Variants in CLYBL observed in about 807,000 individuals in gnomAD.
CLYBL encodes the protein citramalyl-CoA lyase, also known as citramalyl-CoA lyase, mitochondrial.
A neutral mutation model predicts 38.9 loss-of-function variants in CLYBL; 31 were observed. The observed-to-expected ratio is 0.80, with a 90% CI of 0.60 to 1.08. The LOEUF (loss-of-function observed/expected upper bound fraction) is 1.08. Among genes scored for constraint, CLYBL ranks in the 50% least tolerant of loss-of-function variants. The pLI is 0.00. For synonymous variants in CLYBL, 171 were observed against 158.6 expected, an observed-to-expected ratio of 1.08 and a Z score of -0.59; for missense variants, 434 against 411.6, an observed-to-expected ratio of 1.05 and a Z score of -0.47.
At chr13:99,735,368 A>T (rs2048650792) in intron 1 of CLYBL, among the ~76,000 whole-genome samples, 1 of 151,864 alleles carries the variant, frequency 6.6e-6, no homozygotes, top group African/African-American at 2.4e-5. Flanking sequence ...TAATTTTTAA[A>T]TTTTTTTGTA....
intron 1 of CLYBL, among the ~76,000 whole-genome samples, chr13:99,738,332 T>G (rs1385482748): frequency 7.9e-5 from 12 of 152,232 alleles, no homozygotes. Context: ...TGTTTAGCTG[T>G]CATCTCGAGT....
chr13:99,698,864 C>T (rs1213077001), intron 1 of CLYBL, among the ~76,000 whole-genome samples: 3 of 152,202 alleles, frequency 2.0e-5, no homozygotes, highest in Non-Finnish European at 4.4e-5. Flanking sequence ...CATAAAAGCT[C>T]TGTGTCCCAA....
Position 99,864,836 on chromosome 13 carries a change from C to T in CLYBL, c.559C>T (p.Leu187=). The change falls in exon 5 of 9, where the codon CTG becomes TTG. Residue 187 remains leucine (L), a synonymous_variant. Coordinates refer to ENST00000339105, the MANE Select transcript of CLYBL (RefSeq NM_206808.5). Reference sequence around the variant, plus strand: ...TTTACAGGCAGTGTGTGAAGAAACCCTGAAGGTCGGGCCTCAAGTAGGTCT... The same window carrying T: ...TTTACAGGCAGTGTGTGAAGAAACCTTGAAGGTCGGGCCTCAAGTAGGTCT... ...LNFKAVCEET[L]KVGPQVGLFL... The T allele has an allele frequency of 1.2e-6, 2 of 1,613,822 alleles. No homozygotes were observed. The highest frequency in any genetic ancestry group is 1.7e-6 in the Non-Finnish European group (2 of 1,179,792).
intron 1 of CLYBL, among the ~76,000 whole-genome samples, chr13:99,661,953 C>T (rs924812805): frequency 6.6e-6 from 1 of 152,164 alleles, no homozygotes; most frequent in Admixed American, 6.5e-5. Context: ...CAGGCCCAAT[C>T]AGCAAACTAA....
intron 1 of CLYBL, among the ~76,000 whole-genome samples, chr13:99,735,206 T>C (rs973801185): frequency 6.6e-6 from 1 of 152,200 alleles, no homozygotes; most frequent in Non-Finnish European, 1.5e-5. Context: ...TGCTTGTTTG[T>C]TTTTAGAGGC....
At chr13:99,622,197 C>G (rs1438294434) in intron 1 of CLYBL, among the ~76,000 whole-genome samples, 1 of 152,258 alleles carries the variant, frequency 6.6e-6, no homozygotes, top group African/African-American at 2.4e-5. Flanking sequence ...TAACCAGGGC[C>G]AGTCGCCCCA....
In CLYBL at chr13:99,655,463, C is replaced by T. The variant is rs138735368; in HGVS notation, c.62+48706C>T. On this transcript the variant is annotated intron_variant, in intron 1 of 8. Coordinates refer to ENST00000339105, the MANE Select transcript of CLYBL (RefSeq NM_206808.5). ...TGTGACTCATGGAATGAAGACAGCT[C>T]AGCAACCTCTAGTTGCTGGGACAGA... Among the ~76,000 whole-genome samples, 52 of 152,354 alleles carry T rather than the reference C, an allele frequency of 3.4e-4. No homozygotes were observed. The East Asian group carries it at 8.7e-3, about 25-fold the overall frequency.
intron 2 of CLYBL, among the ~76,000 whole-genome samples, chr13:99,817,984 C>T (rs1456376217): frequency 6.9e-6 from 1 of 145,322 alleles, no homozygotes; most frequent in African/African-American, 2.6e-5. Context: ...GCCTGGGTGA[C>T]AGAGTGAGAA....
chr13:99,863,263 G>C lies in CLYBL; in HGVS notation c.540+171G>C, dbSNP rs1166322355. On this transcript the variant is annotated intron_variant, in intron 4 of 8. Transcript: ENST00000339105. ...TAATAGTCCAAAAACCAGGTTGCCA[G>C]CATCTTAGAAAACAATGAAATCAGT... Among the ~76,000 whole-genome samples the C allele has an allele frequency of 2.6e-5, 4 of 152,316 alleles. No homozygotes were observed. The South Asian group carries it at 8.3e-4, about 32-fold the overall frequency.
At chr13:99,743,966 C>CTTTTTT (rs1162079530) in intron 1 of CLYBL, among the ~76,000 whole-genome samples, 362 of 69,022 alleles carry the variant, frequency 5.2e-3, no homozygotes, top group African/African-American at 7.4e-3. Context: ...TCTCTTCTTT[C>CTTTTTT]TTTTTTTTTT....
At chr13:99,868,620 A>AAGTT (rs1256451201) in intron 6 of CLYBL, among the ~76,000 whole-genome samples, 1 of 152,234 alleles carries the variant, frequency 6.6e-6, no homozygotes, top group East Asian at 1.9e-4. Context: ...TAGTTTTTAA[A>AAGTT]AGTTAGCTGT....
chr13:99,716,922 G>A (rs979967440), intron 1 of CLYBL, among the ~76,000 whole-genome samples: 2 of 149,912 alleles, frequency 1.3e-5, no homozygotes, highest in Non-Finnish European at 3.0e-5. Flanking sequence ...CTCCCAAGTA[G>A]CTGGGATTAC....
chr13:99,795,679 C>T lies in CLYBL; in HGVS notation c.249+22669C>T, dbSNP rs139906536. The stretch of plus-strand genomic sequence containing the variant: ...AAAAACACAAAAAACAAAAACTCTC[C>T]CTAAACATCTGTCAAAAGAGCTCAA... On this transcript the variant is annotated intron_variant, in intron 2 of 8. Coordinates refer to ENST00000339105, the MANE Select transcript of CLYBL (RefSeq NM_206808.5). Among the ~76,000 whole-genome samples, 1,021 of 152,100 alleles carry T rather than the reference C, an allele frequency of 6.7e-3. 15 individuals are homozygous for T. The highest frequency in any genetic ancestry group is 0.022 in the African/African-American group (932 of 41,486).
chr13:99,886,611 T>C (rs1163278236), intron 7 of CLYBL, among the ~76,000 whole-genome samples: 5 of 152,244 alleles, frequency 3.3e-5, no homozygotes, highest in Non-Finnish European at 7.3e-5. Flanking sequence ...CATAGGTAAC[T>C]GTCAAATAAA....
intron 1 of CLYBL, among the ~76,000 whole-genome samples, chr13:99,658,460 CCCGAGGCTG>C (rs2047361324): frequency 6.6e-6 from 1 of 152,194 alleles, no homozygotes; most frequent in Non-Finnish European, 1.5e-5. Context: ...ATCGCGAAAC[CCCGAGGCTG>C]CCGGGGACTC....
At chr13:99,903,857 A>G in intron 8 of CLYBL, among the ~76,000 whole-genome samples, 1 of 152,194 alleles carries the variant, frequency 6.6e-6, no homozygotes, top group Admixed American at 6.5e-5. Context: ...CAGCAAAGCA[A>G]GACCCCATCT....
At chr13:99,780,380 C>G (rs1362475141) in intron 2 of CLYBL, among the ~76,000 whole-genome samples, 2 of 152,108 alleles carry the variant, frequency 1.3e-5, no homozygotes, top group Non-Finnish European at 2.9e-5. Context: ...TCCATGTTGA[C>G]AATTTCACTC....
At chr13:99,823,606 C>T (rs1317767139) in intron 2 of CLYBL, among the ~76,000 whole-genome samples, 1 of 152,174 alleles carries the variant, frequency 6.6e-6, no homozygotes, top group Non-Finnish European at 1.5e-5. Flanking sequence ...TTTAAGGTTC[C>T]TCCTTAAATG....
chr13:99,656,168 G>C (rs2047327271), intron 1 of CLYBL, among the ~76,000 whole-genome samples: 1 of 152,156 alleles, frequency 6.6e-6, no homozygotes. Context: ...AAAAGGTACA[G>C]TAATCGGATA....
Sources: gnomAD v4.1 joint callset for allele counts (sites outside exome capture counted in the v4.1 genomes callset) on GRCh38, gnomAD v4.1.1 for gene constraint, MANE v1.5 for transcripts, NCBI Gene and HGNC (gene_info 2026-07-23, HGNC 2026-07-21) for gene names.